The following UGGT1 variants were observed in gnomAD, a reference collection of about 807,000 sequenced individuals.
UGGT1 encodes UDP-glucose glycoprotein glucosyltransferase 1.
UGGT1 carries 107 observed loss-of-function variants against 203.9 expected under a neutral mutation model. That is an observed-to-expected ratio of 0.52 (90% confidence interval 0.45 to 0.62). The LOEUF is 0.62. Among genes scored for constraint, UGGT1 ranks in the 20% least tolerant of loss-of-function variants. The probability of loss-of-function intolerance (pLI) is 0.00; values close to 1 mark genes in which losing one functional copy is unlikely to be tolerated. For synonymous variants in UGGT1, 628 were observed against 653.5 expected (o/e 0.96, Z 0.59); for missense variants, 1,673 against 1,867.2 (o/e 0.90, Z 1.92).
At chr2:128,156,646 C>T (rs921956051) in intron 21 of UGGT1, among the ~76,000 whole-genome samples, 1 of 151,632 alleles carries the variant, frequency 6.6e-6, no homozygotes, top group Non-Finnish European at 1.5e-5. Flanking sequence ...CAAGCTCCGC[C>T]TTCTGGGTTC....
chr2:128,177,074 T>G (rs1391759855), intron 32 of UGGT1, among the ~76,000 whole-genome samples, 176 bp downstream of exon 32: 3 of 152,160 alleles, frequency 2.0e-5, no homozygotes, highest in Admixed American at 2.0e-4. Flanking sequence ...ACTGAAAGAT[T>G]GTACCTTTTG....
Position 128,180,902 on chromosome 2 carries a change from TA to T in UGGT1, c.3914del (p.Tyr1305SerfsTer45). 1 of 1,613,620 alleles carries T rather than the reference TA, an allele frequency of 6.2e-7. No homozygotes were observed. The highest frequency in any genetic ancestry group is 1.1e-5 in the South Asian group (1 of 90,880). On this transcript the variant is annotated frameshift_variant, in exon 36 of 41. Transcript: ENST00000259253. LOFTEE classifies it high-confidence loss of function. ...TGTCTAAAAATAGGAGTTTATACCT[TA>T]CATGGCAAATGAATACAATTTCCAG... ...LSPTFKEFIP[Y>X]MANEYNFQYE...
chr2:128,155,726 A>G, intron 20 of UGGT1, 139 bp downstream of exon 20: 1 of 556,414 alleles, frequency 1.8e-6, no homozygotes, highest in South Asian at 3.0e-5. Flanking sequence ...CTTTGAGTCT[A>G]GAACATATCT....
rs772770875 is a variant in UGGT1 at position 128,180,957 on chromosome 2, G to A, written c.3968G>A (p.Arg1323Gln). The A allele has an allele frequency of 3.7e-6, 6 of 1,614,106 alleles. No individual in the cohort carries two copies. The highest frequency in any genetic ancestry group is 3.3e-5 in the South Asian group (3 of 91,070). ...GAGCTTGTTCAGTACAAATGGCCCC[G>A]GTGGCTTCATCAACAAACTGAAAAA... ...QYELVQYKWP[R>Q]WLHQQTEKQR... Residue 1323 changes from arginine (R) to glutamine (Q), a missense_variant, in exon 36 of 41, where the codon CGG becomes CAG. This residue lies in a region of UGGT1 where 513 missense variants were observed against 684.1 expected (regional missense o/e 0.75). Transcript: ENST00000259253.
At position 128,121,435 on chromosome 2, in the gene UGGT1, C is replaced by A. The variant is rs1034798301; in HGVS notation, c.1073+137C>A. On this transcript the variant is annotated intron_variant, in intron 10 of 40. Transcript: ENST00000259253. ...TTTTTTTTTTTTTGAGATGGAGTCT[C>A]ACTCTTGTTGCCGAGGCTAGAGTGC... 7.2e-5 allele frequency: 42 copies of A among 584,658 alleles called. No individual in the cohort carries two copies. In the East Asian group the frequency reaches 1.5e-3, roughly 21 times the overall value. 36.2% of individuals were successfully genotyped at this position (584,658 alleles called of 1,614,324 possible). A position where few individuals can be genotyped will look rare whatever the true frequency, so the allele number is the denominator to read the frequency against.
intron 40 of UGGT1, among the ~76,000 whole-genome samples, chr2:128,189,207 C>T (rs1692140173): frequency 1.3e-5 from 2 of 152,126 alleles, no homozygotes; most frequent in African/African-American, 4.8e-5. Context: ...GTACATCTGC[C>T]ATTAGAAGCC....
In UGGT1 at chr2:128,109,449, T is replaced by G. The variant is rs1314461852; in HGVS notation, c.409-185T>G. ...AGTGGCAGGCTTAACTGCCCAGGCT[T>G]GGGCTTAAGTGATGCTCCCACTCTG... On this transcript the variant is annotated intron_variant, in intron 4 of 40. Transcript: ENST00000259253. Among the ~76,000 whole-genome samples the G allele has an allele frequency of 2.6e-5, 4 of 152,156 alleles. No homozygotes were observed. In the East Asian group the frequency reaches 7.7e-4, roughly 29 times the overall value.
Position 128,097,568 on chromosome 2 carries a change from A to G in UGGT1, c.194+4A>G, listed in dbSNP as rs759552997. On this transcript the variant is annotated splice_donor_region_variant and intron_variant, in intron 2 of 40. Transcript: ENST00000259253. ...CTCCATTGTTGTTAGAAGCCAGGTA[A>G]GAGAACATTTTTTTTCCCTTCGTGT... 3 of 1,613,606 alleles carry G rather than the reference A, an allele frequency of 1.9e-6. No homozygotes were observed. The highest frequency in any genetic ancestry group is 2.5e-6 in the Non-Finnish European group (3 of 1,179,888).
rs1688748346 is a variant in UGGT1 at position 128,129,009 on chromosome 2, CT to C, written c.1227-15del. On this transcript the variant is annotated intron_variant, in intron 12 of 40. Transcript: ENST00000259253. Reference sequence around the variant, plus strand: ...AAGCTTTTTTTCCTAGTAAATATCTCTTTTTGTTTTTCCCCCCAGTCTGTTT... The same window carrying C: ...AAGCTTTTTTTCCTAGTAAATATCTCTTTTGTTTTTCCCCCCAGTCTGTTT... 1 of 1,522,348 alleles carries C rather than the reference CT, an allele frequency of 6.6e-7. No homozygotes were observed. The highest frequency in any genetic ancestry group is 8.8e-7 in the Non-Finnish European group (1 of 1,137,392). 94.3% of individuals were successfully genotyped at this position (1,522,348 alleles called of 1,614,324 possible). A position where few individuals can be genotyped will look rare whatever the true frequency, so the allele number is the denominator to read the frequency against.
At chr2:128,134,219 A>G (rs927285396) in intron 14 of UGGT1, among the ~76,000 whole-genome samples, 1 of 152,144 alleles carries the variant, frequency 6.6e-6, no homozygotes, top group Non-Finnish European at 1.5e-5. Context: ...TATTTTTAGT[A>G]GAGACGGGGT....
chr2:128,122,004 T>A (rs955021702), intron 10 of UGGT1, among the ~76,000 whole-genome samples: 9 of 152,162 alleles, frequency 5.9e-5, no homozygotes, highest in Non-Finnish European at 1.3e-4. Flanking sequence ...ACATATGTCA[T>A]CTTATTGAAT....
intron 35 of UGGT1, among the ~76,000 whole-genome samples, chr2:128,180,181 C>T (rs182082912): frequency 3.3e-5 from 5 of 152,224 alleles, no homozygotes; most frequent in Admixed American, 2.0e-4. Context: ...GAAAGCACAG[C>T]GATGGTTTAC....
chr2:128,135,043 T>C (rs1689071722), intron 15 of UGGT1, 82 bp downstream of exon 15: 1 of 1,196,194 alleles, frequency 8.4e-7, no homozygotes, highest in Non-Finnish European at 1.2e-6. Flanking sequence ...CTGGTGCTAC[T>C]GAGTTGTAGG....
intron 8 of UGGT1, among the ~76,000 whole-genome samples, chr2:128,118,809 C>T (rs112043109): frequency 1.2e-4 from 18 of 152,076 alleles, no homozygotes; most frequent in African/African-American, 3.9e-4. Flanking sequence ...CTCCACCTCC[C>T]GAGGCTCAGG....
At chr2:128,175,998 T>C (rs890206189) in intron 31 of UGGT1, among the ~76,000 whole-genome samples, 11 of 152,270 alleles carry the variant, frequency 7.2e-5, no homozygotes, top group African/African-American at 2.4e-4. Flanking sequence ...AAATAGAATT[T>C]GTTACAGTTT....
At chr2:128,100,125 G>T (rs1431826966) in intron 2 of UGGT1, among the ~76,000 whole-genome samples, 1 of 145,646 alleles carries the variant, frequency 6.9e-6, no homozygotes, top group African/African-American at 2.6e-5. Context: ...TGCCTCCCAG[G>T]TTCAAGCCCA....
chr2:128,176,917 G>T lies in UGGT1; in HGVS notation c.3624+19G>T, dbSNP rs1166550625. On this transcript the variant is annotated intron_variant, in intron 32 of 40. Coordinates refer to ENST00000259253, the MANE Select transcript of UGGT1 (RefSeq NM_020120.4). ...AGTGAAGGTGAGTTTGGTAAAAGTA[G>T]TGGCATTCTGTTATTGGACAGCTGT... 1 of 1,604,204 alleles carries T rather than the reference G, an allele frequency of 6.2e-7. No individual in the cohort carries two copies. Among genetic ancestry groups the T allele is most frequent in the African/African-American group, 1.3e-5 (1 of 74,786 alleles).
rs1426562247 is a variant in UGGT1, at chr2:128,186,918, T to C, written c.4476+119T>C. 4.0e-6 allele frequency: 3 copies of C among 742,244 alleles called. No homozygotes were observed. In the African/African-American group the frequency reaches 5.4e-5, roughly 13 times the overall value. The allele number at this position is 742,244 out of a possible 1,614,324, so 46.0% of individuals were successfully genotyped here. A position where few individuals can be genotyped will look rare whatever the true frequency, so the allele number is the denominator to read the frequency against. ...AATTTCCTAGATTCTTATTTAGACT[T>C]TCTCTGTAATTGTGTAGTTTGTCGG... On this transcript the variant is annotated intron_variant, in intron 39 of 40. Transcript: ENST00000259253.
chr2:128,191,423 T>G lies in UGGT1; in HGVS notation c.*1681T>G, dbSNP rs1055434373. 6.6e-5 allele frequency: 10 copies of G among 151,908 alleles called. No individual in the cohort carries two copies. Among genetic ancestry groups the G allele is most frequent in the African/African-American group, 9.7e-5 (4 of 41,344 alleles). 9.4% of individuals were successfully genotyped at this position (151,908 alleles called of 1,614,324 possible). On this transcript the variant is annotated 3_prime_UTR_variant, in exon 41 of 41. Transcript: ENST00000259253. Reference sequence around the variant, plus strand: ...ATGAAAACAAAACAAAACAAAAAATTAAGAAGAGGAAAGCTCAAAAGAGGA... The same window carrying G: ...ATGAAAACAAAACAAAACAAAAAATGAAGAAGAGGAAAGCTCAAAAGAGGA...
Sources: gnomAD v4.1 joint callset for allele counts (sites outside exome capture counted in the v4.1 genomes callset) on GRCh38, gnomAD v4.1.1 for gene constraint, gnomAD v4.1.1 regional missense constraint, MANE v1.5 for transcripts, NCBI Gene and HGNC (gene_info 2026-07-23, HGNC 2026-07-21) for gene names.